The following LPP variants were observed in gnomAD, a reference collection of about 807,000 sequenced individuals.
LPP encodes the protein LIM domain containing preferred translocation partner in lipoma, also known as lipoma-preferred partner.
LPP carries 38 observed loss-of-function variants against 60.4 expected under a neutral mutation model. That is an observed-to-expected ratio of 0.63 (90% CI 0.49 to 0.83). The LOEUF is 0.83. Ranked by LOEUF, LPP falls within the 40% of genes least tolerant of loss-of-function variation. The probability of loss-of-function intolerance (pLI) is 0.00; values close to 1 mark genes in which losing one functional copy is unlikely to be tolerated. For missense variants in LPP, 902 were observed against 783.6 expected (o/e 1.15, Z -1.80); for synonymous variants, 328 against 290.8 (o/e 1.13, Z -1.30).
At chr3:188,375,486 T>C (rs1774743153) in intron 3 of LPP, among the ~76,000 whole-genome samples, 1 of 152,230 alleles carries the variant, frequency 6.6e-6, no homozygotes, top group African/African-American at 2.4e-5. Flanking sequence ...TTTTCTAGTT[T>C]ATTTTAGAAG....
intron 3 of LPP, among the ~76,000 whole-genome samples, chr3:188,347,346 C>T (rs114661157): frequency 1.2e-3 from 188 of 152,258 alleles, no homozygotes; most frequent in African/African-American, 3.1e-3. Flanking sequence ...TCGTTAACTA[C>T]GTGTTTATCT....
intron 7 of LPP, among the ~76,000 whole-genome samples, chr3:188,687,519 C>T (rs558867838): frequency 3.9e-5 from 6 of 152,124 alleles, no homozygotes; most frequent in Non-Finnish European, 5.9e-5. Context: ...TCGCTTCTCC[C>T]TCTGCTGCCA....
At chr3:188,488,815 T>C (rs1279090552) in intron 5 of LPP, among the ~76,000 whole-genome samples, 1 of 151,994 alleles carries the variant, frequency 6.6e-6, no homozygotes, top group Non-Finnish European at 1.5e-5. Flanking sequence ...TTTTTTGTAT[T>C]TTCGGTAGAG....
intron 2 of LPP, chr3:188,240,017 C>T: frequency 5.1e-6 from 1 of 196,286 alleles, no homozygotes. Context: ...TGCTCAAGGT[C>T]TCAGAGAGCA....
intron 2 of LPP, among the ~76,000 whole-genome samples, chr3:188,296,893 A>C (rs1748088440): frequency 6.6e-6 from 1 of 152,184 alleles, no homozygotes; most frequent in Admixed American, 6.5e-5. Context: ...AAACTCAATA[A>C]TTGGGTAACT....
intron 5 of LPP, among the ~76,000 whole-genome samples, chr3:188,507,322 T>C (rs1016506690): frequency 2.6e-5 from 4 of 151,972 alleles, no homozygotes; most frequent in Non-Finnish European, 4.4e-5. Flanking sequence ...GGAGAGGAAA[T>C]GGGAGAGGAA....
intron 2 of LPP, among the ~76,000 whole-genome samples, chr3:188,268,611 A>G (rs182201390): frequency 6.6e-6 from 1 of 152,356 alleles, no homozygotes; most frequent in East Asian, 1.9e-4. Flanking sequence ...TCCTGTTTAC[A>G]CATCCTGTTA....
intron 6 of LPP, among the ~76,000 whole-genome samples, chr3:188,526,857 TG>T (rs1820733805): frequency 1.3e-5 from 2 of 152,192 alleles, no homozygotes; most frequent in Admixed American, 6.5e-5. Context: ...AGGACTCCGT[TG>T]TAATCTTCTA....
chr3:188,575,550 C>T (rs57801260), intron 6 of LPP, among the ~76,000 whole-genome samples: 5 of 151,864 alleles, frequency 3.3e-5, no homozygotes, highest in African/African-American at 7.3e-5. Context: ...ATTTTGGATC[C>T]GGTCCACCTT....
intron 6 of LPP, among the ~76,000 whole-genome samples, chr3:188,607,370 G>GATAGATATAT (rs1553941079): frequency 5.8e-5 from 6 of 102,734 alleles, no homozygotes; most frequent in African/African-American, 1.8e-4. Flanking sequence ...GAAAATAGAA[G>GATAGATATAT]ATATATATAT....
intron 2 of LPP, among the ~76,000 whole-genome samples, chr3:188,326,367 C>A (rs1293659880): frequency 6.6e-6 from 1 of 152,184 alleles, no homozygotes; most frequent in African/African-American, 2.4e-5. Context: ...TTTAAGCAAT[C>A]CATCAGTCTC....
intron 8 of LPP, among the ~76,000 whole-genome samples, chr3:188,729,056 C>T (rs1719461488): frequency 1.3e-5 from 2 of 152,078 alleles, no homozygotes; most frequent in Admixed American, 1.3e-4. Flanking sequence ...TAGGAAAAAC[C>T]TCCCTAGGGA....
chr3:188,613,255 T>TCTATAC (rs201942342), intron 7 of LPP, among the ~76,000 whole-genome samples: 7 of 131,122 alleles, frequency 5.3e-5, no homozygotes, highest in African/African-American at 9.0e-5. Context: ...TATATCTATA[T>TCTATAC]CTATACCTAT....
chr3:188,231,707 CCA>C (rs1187320588), intron 2 of LPP, among the ~76,000 whole-genome samples: 1 of 152,038 alleles, frequency 6.6e-6, no homozygotes, highest in Non-Finnish European at 1.5e-5. Context: ...TTCCACCGCT[CCA>C]CACAGTCTCT....
intron 7 of LPP, among the ~76,000 whole-genome samples, chr3:188,627,506 A>C (rs6805262): frequency 0.98 from 148,537 of 152,150 alleles, 72,597 homozygotes; most frequent in East Asian, 1. Context: ...CTATTTCAGA[A>C]AAAACAGACT....
intron 1 of LPP, among the ~76,000 whole-genome samples, chr3:188,203,629 A>ATATATAAATATATAT (rs1241731890): frequency 1.8e-5 from 2 of 108,304 alleles, no homozygotes; most frequent in Admixed American, 1.3e-4. Context: ...ATATATACAT[A>ATATATAAATATATAT]TCAAATATGT....
At chr3:188,469,433 A>G (rs1233139960) in intron 4 of LPP, among the ~76,000 whole-genome samples, 1 of 152,116 alleles carries the variant, frequency 6.6e-6, no homozygotes, top group Non-Finnish European at 1.5e-5. Context: ...GTATGTTACA[A>G]TAGCTTGTTT....
chr3:188,200,909 T>G (rs1730905847), intron 1 of LPP, among the ~76,000 whole-genome samples: 1 of 152,212 alleles, frequency 6.6e-6, no homozygotes, highest in African/African-American at 2.4e-5. Flanking sequence ...AATTACACTA[T>G]GAAATTATGT....
At chr3:188,179,105 A>AAC (rs1724066777) in intron 1 of LPP, 1 of 350,372 alleles carries the variant, frequency 2.9e-6, no homozygotes, top group Non-Finnish European at 5.7e-6. Flanking sequence ...AGAGAGAGAG[A>AAC]GAGAGAGAGA....
Sources: allele counts gnomAD v4.1 joint callset (sites outside exome capture counted in the v4.1 genomes callset), GRCh38; gene constraint gnomAD v4.1.1; transcripts MANE v1.5; gene names NCBI Gene and HGNC (gene_info 2026-07-23, HGNC 2026-07-21).